The following ZFHX3 variants were observed in gnomAD, a reference collection of about 807,000 sequenced individuals.
The protein encoded by ZFHX3 is zinc finger homeobox protein 3.
In ZFHX3, 42 loss-of-function variants were observed where a neutral mutation model predicts 279.1. The observed-to-expected ratio is 0.15, with a 90% confidence interval of 0.12 to 0.19. The LOEUF is 0.19. Ranked by LOEUF, ZFHX3 falls within the 10% of genes least tolerant of loss-of-function variation. ZFHX3 has a pLI of 1.00. For synonymous variants in ZFHX3, 2,293 were observed against 1,957.8 expected, an observed-to-expected ratio of 1.17 and a Z score of -4.52; for missense variants, 4,981 against 4,754.0, an observed-to-expected ratio of 1.05 and a Z score of -1.40.
chr16:73,846,172 T>C (rs1327075385), intron 1 of ZFHX3, among the ~76,000 whole-genome samples: 1 of 152,176 alleles, frequency 6.6e-6, no homozygotes, highest in African/African-American at 2.4e-5. Flanking sequence ...AGCTGTATAT[T>C]GCCATCAACA....
chr16:72,821,531 G>A (rs1335726535), intron 5 of ZFHX3, among the ~76,000 whole-genome samples: 1 of 152,144 alleles, frequency 6.6e-6, no homozygotes, highest in Non-Finnish European at 1.5e-5. Flanking sequence ...GCACCTTCAG[G>A]TACTCCTCAG....
At chr16:72,904,573 T>G (rs4788485) in intron 3 of ZFHX3, among the ~76,000 whole-genome samples, 42,574 of 151,696 alleles carry the variant, frequency 0.28, 6,194 homozygotes, top group African/African-American at 0.3. Context: ...TCCATTCCAC[T>G]TGCAATTAGA....
At chr16:72,864,059 G>A (rs1250491727) in intron 4 of ZFHX3, among the ~76,000 whole-genome samples, 1 of 152,216 alleles carries the variant, frequency 6.6e-6, no homozygotes, top group East Asian at 1.9e-4. Context: ...AGAGCTTGCA[G>A]TGAGCCGAGA....
At chr16:73,718,718 C>T (rs187775248) in intron 1 of ZFHX3, among the ~76,000 whole-genome samples, 3 of 151,686 alleles carry the variant, frequency 2.0e-5, no homozygotes, top group African/African-American at 7.3e-5. Flanking sequence ...TGGGTTCAAG[C>T]GATTCTTCTG....
chr16:73,719,193 T>C (rs1032700183), intron 1 of ZFHX3, among the ~76,000 whole-genome samples: 4 of 152,212 alleles, frequency 2.6e-5, no homozygotes, highest in Non-Finnish European at 5.9e-5. Context: ...GTCTGAGTGA[T>C]ACCAGTCAAG....
intron 3 of ZFHX3, among the ~76,000 whole-genome samples, chr16:72,946,634 T>C (rs535910957): frequency 1.2e-4 from 18 of 152,116 alleles, no homozygotes; most frequent in Admixed American, 2.0e-4. Context: ...GTCACTTGGC[T>C]GGGAATGCAA....
At chr16:73,264,509 T>G (rs953129847) in intron 4 of ZFHX3, among the ~76,000 whole-genome samples, 2 of 152,072 alleles carry the variant, frequency 1.3e-5, no homozygotes, top group African/African-American at 4.8e-5. Context: ...ATCAGAATCT[T>G]AGGAAGTTCT....
chr16:73,685,831 G>A (rs1267112924), intron 1 of ZFHX3, among the ~76,000 whole-genome samples: 2 of 152,176 alleles, frequency 1.3e-5, no homozygotes, highest in Non-Finnish European at 2.9e-5. Context: ...GCTCTTTTAT[G>A]AGCACCCGAC....
At chr16:73,080,295 G>C (rs1447040345) in intron 8 of ZFHX3, among the ~76,000 whole-genome samples, 1 of 152,164 alleles carries the variant, frequency 6.6e-6, no homozygotes, top group African/African-American at 2.4e-5. Flanking sequence ...TCCTACTTCA[G>C]AATGACCCAG....
At chr16:73,276,793 CA>C (rs1428919265) in intron 4 of ZFHX3, among the ~76,000 whole-genome samples, 1 of 152,064 alleles carries the variant, frequency 6.6e-6, no homozygotes, top group Non-Finnish European at 1.5e-5. Flanking sequence ...TCAAATTTTC[CA>C]TGAATGTGGG....
At chr16:73,473,365 A>AAAAAAAAAAAAAAC (rs2018708335) in intron 2 of ZFHX3, among the ~76,000 whole-genome samples, 43 of 130,150 alleles carry the variant, frequency 3.3e-4, no homozygotes, top group African/African-American at 1.3e-3. Context: ...AAACAAAAAA[A>AAAAAAAAAAAAAAC]AAAAAAACAA....
At chr16:73,277,262 G>A (rs1451547252) in intron 4 of ZFHX3, among the ~76,000 whole-genome samples, 9 of 152,072 alleles carry the variant, frequency 5.9e-5, no homozygotes, top group African/African-American at 2.4e-5. Flanking sequence ...GTTTTCTATC[G>A]AATGAAAATA....
chr16:72,916,609 CA>C (rs1307799090), intron 3 of ZFHX3, among the ~76,000 whole-genome samples: 3 of 151,982 alleles, frequency 2.0e-5, no homozygotes, highest in Non-Finnish European at 2.9e-5. Flanking sequence ...CCAGGCAGTG[CA>C]AAACTAAACA....
At chr16:73,029,155 G>A (rs56274700) in intron 1 of ZFHX3, among the ~76,000 whole-genome samples, 5 of 151,860 alleles carry the variant, frequency 3.3e-5, no homozygotes, top group South Asian at 2.1e-4. Flanking sequence ...GGGGCAGTTC[G>A]GAAAGTCTCT....
intron 4 of ZFHX3, among the ~76,000 whole-genome samples, chr16:72,842,896 TAAGC>T (rs988893463): frequency 5.9e-5 from 9 of 152,134 alleles, no homozygotes; most frequent in African/African-American, 2.2e-4. Flanking sequence ...TGGAGATATA[TAAGC>T]AAGAAAAGAT....
At chr16:73,754,882 C>G (rs778283794) in intron 1 of ZFHX3, among the ~76,000 whole-genome samples, 1 of 152,188 alleles carries the variant, frequency 6.6e-6, no homozygotes, top group South Asian at 2.1e-4. Flanking sequence ...ACCGATTTCT[C>G]AGAACCCCAG....
At chr16:73,535,154 A>G (rs747614072) in intron 2 of ZFHX3, among the ~76,000 whole-genome samples, 1 of 152,226 alleles carries the variant, frequency 6.6e-6, no homozygotes, top group Non-Finnish European at 1.5e-5. Flanking sequence ...GAGAGCTCAA[A>G]AGTTGTACAA....
intron 4 of ZFHX3, among the ~76,000 whole-genome samples, chr16:72,861,196 C>T (rs562917097): frequency 5.8e-4 from 88 of 152,226 alleles, no homozygotes; most frequent in Non-Finnish European, 1.1e-3. Context: ...GCTGTCTTGT[C>T]ACACATTGCC....
chr16:72,981,877 CT>C (rs34508059), intron 1 of ZFHX3, among the ~76,000 whole-genome samples: 8,148 of 130,590 alleles, frequency 0.062, 408 homozygotes, highest in African/African-American at 0.15. Context: ...ACACATTTTC[CT>C]TTTTTTTTTT....
Sources: allele counts gnomAD v4.1 joint callset (sites outside exome capture counted in the v4.1 genomes callset), GRCh38; gene constraint gnomAD v4.1.1; transcripts MANE v1.5; gene names NCBI Gene and HGNC (gene_info 2026-07-23, HGNC 2026-07-21).